The following WAPL variants were observed in gnomAD, a reference collection of about 807,000 sequenced individuals.
The protein encoded by WAPL is WAPL cohesin release factor, also known as wings apart-like protein homolog.
Under a neutral mutation model 121.0 loss-of-function variants are expected in WAPL, and 5 were observed. That is an observed-to-expected ratio of 0.04 (90% CI 0.02 to 0.09). The LOEUF is 0.09. Among genes scored for constraint, WAPL ranks in the 10% least tolerant of loss-of-function variants. The pLI is 1.00. For missense variants in WAPL, 999 were observed against 1,410.8 expected, an observed-to-expected ratio of 0.71 and a Z score of 4.68; for synonymous variants, 480 against 481.5, an observed-to-expected ratio of 1.00 and a Z score of 0.04.
chr10:86,472,210 A>G lies in WAPL; in HGVS notation c.2028T>C (p.Leu676=), dbSNP rs1414133121. ...KSTQPLNTRC[L]SVISLATKCA... is the part of the protein sequence containing the mutation. ...AAAATATAAAAATAAGATCTTACCT[A>G]AGGCAACGTGTGTTTAGAGGCTGAG... Residue 676 remains leucine (L), a splice_region_variant and synonymous_variant, in exon 7 of 19, where the codon CTT becomes CTC. Transcript: ENST00000298767. The surrounding 1 kb of genome is among the most constrained non-coding windows in gnomAD (Gnocchi z 4.2). 2.6e-6 allele frequency: 4 copies of G among 1,560,868 alleles called. No individual in the cohort carries two copies. In the African/African-American group the frequency reaches 5.6e-5, roughly 22 times the overall value.
chr10:86,513,602 G>A (rs935437551), intron 2 of WAPL, among the ~76,000 whole-genome samples: 7 of 152,040 alleles, frequency 4.6e-5, no homozygotes, highest in Non-Finnish European at 7.4e-5. Flanking sequence ...GGCATGAGCC[G>A]CCACACCCGC....
rs926520801 is a variant in WAPL, at chr10:86,446,142, T to C, written c.3322+100A>G. 9.1e-5 allele frequency: 121 copies of C among 1,322,816 alleles called. 2 individuals carry two copies. In the South Asian group the frequency reaches 1.4e-3, roughly 15 times the overall value. 81.9% of individuals were successfully genotyped at this position (1,322,816 alleles called of 1,614,324 possible). ...CTGAACTAGAGAGGTCCTCAAGCAA[T>C]AGCCAGATTAAGACAATCTGCAAAT... On this transcript the variant is annotated intron_variant, in intron 16 of 18. Transcript: ENST00000298767.
intron 4 of WAPL, among the ~76,000 whole-genome samples, chr10:86,483,794 C>G (rs7099343): frequency 1.4e-5 from 1 of 69,180 alleles, no homozygotes; most frequent in Admixed American, 2.5e-4. Flanking sequence ...ATTTTTTTTT[C>G]TTTTTTTTTT....
intron 4 of WAPL, among the ~76,000 whole-genome samples, chr10:86,482,274 A>G (rs576207095): frequency 6.6e-6 from 1 of 152,338 alleles, no homozygotes. Context: ...GCAAGAAATA[A>G]TCCTGTGAAA....
At chr10:86,520,808 T>A (rs1457297739) in intron 1 of WAPL, among the ~76,000 whole-genome samples, 1 of 149,764 alleles carries the variant, frequency 6.7e-6, no homozygotes, top group Admixed American at 6.6e-5. Context: ...GCCTTTATAC[T>A]TCACTCCCAC....
intron 4 of WAPL, among the ~76,000 whole-genome samples, chr10:86,478,215 C>G (rs2353826): frequency 1.3e-5 from 2 of 151,920 alleles, no homozygotes; most frequent in Middle Eastern, 3.4e-3. Flanking sequence ...AGATGTCTTG[C>G]GCCCAGGAGT....
At chr10:86,514,766 C>T (rs1468942667) in intron 2 of WAPL, among the ~76,000 whole-genome samples, 1 of 152,228 alleles carries the variant, frequency 6.6e-6, no homozygotes, top group African/African-American at 2.4e-5. Flanking sequence ...CTTCCACATT[C>T]CTTTTCCCCC....
chr10:86,460,484 A>G lies in WAPL; in HGVS notation c.2495T>C (p.Val832Ala). Residue 832 changes from valine to alanine, a missense_variant, in exon 11 of 19, where the codon GTG (valine) becomes GCG (alanine). This residue lies in a region of WAPL where 118 missense variants were observed against 318.3 expected (regional missense o/e 0.37). Transcript: ENST00000298767. ...DHIVDKVKECVDHLSRDEDEE... is the reference protein window; with the variant it reads ...DHIVDKVKECADHLSRDEDEE... ...ATCCTCATCTCTACTTAAATGATCC[A>G]CACATTCTTTTACTAGGTGAAAAGA... 1 of 1,612,972 alleles carries G rather than the reference A, an allele frequency of 6.2e-7. No homozygotes were observed. The highest frequency in any genetic ancestry group is 8.5e-7 in the Non-Finnish European group (1 of 1,179,634).
intron 4 of WAPL, among the ~76,000 whole-genome samples, chr10:86,491,240 C>T (rs1404565350): frequency 3.4e-5 from 5 of 148,080 alleles, no homozygotes; most frequent in Admixed American, 2.7e-4. Flanking sequence ...CCCGGGTTCG[C>T]GCCATTCTCC....
chr10:86,497,260 T>G lies in WAPL; in HGVS notation c.1585A>C (p.Asn529His). 1 of 1,613,362 alleles carries G rather than the reference T, an allele frequency of 6.2e-7. No individual in the cohort carries two copies. Among genetic ancestry groups the G allele is most frequent in the Non-Finnish European group, 8.5e-7 (1 of 1,179,804 alleles). The change falls in exon 4 of 19, where the codon AAT becomes CAT. Residue 529 changes from asparagine (N) to histidine (H), a missense_variant. This residue lies in a region of WAPL where 531 missense variants were observed against 563.1 expected (regional missense o/e 0.94). Transcript: ENST00000298767. ...TCCTTTGATTTATCTCCTTGTTTAT[T>G]TATGGGCTTCTTCACACTTTCAGGC... ...GVPESVKKPI[N>H]KQGDKSKENT... is the part of the protein sequence containing the mutation.
intron 4 of WAPL, among the ~76,000 whole-genome samples, chr10:86,496,251 C>T (rs548121792): frequency 1.3e-5 from 2 of 152,314 alleles, no homozygotes; most frequent in East Asian, 3.8e-4. Context: ...TGAGATACCA[C>T]TTCACACCCA....
chr10:86,459,143 G>T, intron 11 of WAPL, 78 bp from the exon 12 acceptor site: 4 of 1,148,540 alleles, frequency 3.5e-6, no homozygotes, highest in Non-Finnish European at 3.8e-6. Context: ...TCTGCCTGGT[G>T]CGTAAAAGAT....
At chr10:86,445,443 A>G (rs1849584453) in intron 16 of WAPL, among the ~76,000 whole-genome samples, 1 of 152,206 alleles carries the variant, frequency 6.6e-6, no homozygotes, top group East Asian at 1.9e-4. Context: ...CAGAACTTGT[A>G]TAAATGGCAA....
intron 4 of WAPL, among the ~76,000 whole-genome samples, chr10:86,481,097 C>A (rs1841772787): frequency 6.6e-6 from 1 of 152,044 alleles, no homozygotes; most frequent in South Asian, 2.1e-4. Flanking sequence ...ACAGGACATG[C>A]TGAAAGTATA....
intron 3 of WAPL, among the ~76,000 whole-genome samples, chr10:86,497,925 G>T (rs1589531282): frequency 6.6e-6 from 1 of 152,290 alleles, no homozygotes. Context: ...TTAAAAATAT[G>T]TATCTTTTTC....
chr10:86,464,234 G>C (rs11594129), intron 9 of WAPL, among the ~76,000 whole-genome samples: 17,781 of 152,118 alleles, frequency 0.12, 1,222 homozygotes, highest in Middle Eastern at 0.17. Context: ...GGGGAAAAGA[G>C]GAATCCTAAA....
In WAPL at chr10:86,497,117, T is replaced by C; in HGVS notation, c.1644+84A>G. 5 of 1,094,688 alleles carry C rather than the reference T, an allele frequency of 4.6e-6. 1 individual carries two copies. Among genetic ancestry groups the C allele is most frequent in the South Asian group, 4.2e-5 (3 of 70,606 alleles). 67.8% of individuals were successfully genotyped at this position (1,094,688 alleles called of 1,614,324 possible). On this transcript the variant is annotated intron_variant, in intron 4 of 18. Transcript: ENST00000298767. ...TGAAAGACAGTTGCTATGATGTTTA[T>C]TAGTAACTTTCAAATAAAAAATTAA...
At chr10:86,514,286 A>G (rs1842516929) in intron 2 of WAPL, among the ~76,000 whole-genome samples, 1 of 152,240 alleles carries the variant, frequency 6.6e-6, no homozygotes, top group South Asian at 2.1e-4. Context: ...ATACAAACTT[A>G]CAAATGGTTT....
Position 86,436,721 on chromosome 10 carries a change from C to T in WAPL, c.*822G>A, listed in dbSNP as rs1237357077. 1 of 152,572 alleles carries T rather than the reference C, an allele frequency of 6.6e-6. No homozygotes were observed. The highest frequency in any genetic ancestry group is 1.5e-5 in the Non-Finnish European group (1 of 68,022). 9.5% of individuals were successfully genotyped at this position (152,572 alleles called of 1,614,324 possible). A position where few individuals can be genotyped will look rare whatever the true frequency, so the allele number is the denominator to read the frequency against. Reference sequence around the variant, plus strand: ...TCAAAATCTAATAATGTTTTAAGAGCCTCCCTAGCATTAAGTGTAAACTAC... The same window carrying T: ...TCAAAATCTAATAATGTTTTAAGAGTCTCCCTAGCATTAAGTGTAAACTAC... On this transcript the variant is annotated 3_prime_UTR_variant, in exon 19 of 19. Transcript: ENST00000298767.
Sources: allele counts gnomAD v4.1 joint callset (sites outside exome capture counted in the v4.1 genomes callset), GRCh38; gene constraint gnomAD v4.1.1; regional missense constraint gnomAD v4.1.1; non-coding constraint Gnocchi (gnomAD v3.1); transcripts MANE v1.5; gene names NCBI Gene and HGNC (gene_info 2026-07-23, HGNC 2026-07-21).